FBN1: variants seen among roughly 807,000 people sequenced by gnomAD.
FBN1 encodes fibrillin-1.
Under a neutral mutation model 365.1 loss-of-function variants are expected in FBN1, and 29 were observed. That is an observed-to-expected ratio of 0.08 (90% CI 0.06 to 0.11). FBN1 has a LOEUF of 0.11. Among genes scored for constraint, FBN1 ranks in the 10% least tolerant of loss-of-function variants. The pLI is 1.00. For missense variants in FBN1, 2,476 were observed against 3,703.2 expected, an observed-to-expected ratio of 0.67 and a Z score of 8.60; for synonymous variants, 1,210 against 1,270.5, an observed-to-expected ratio of 0.95 and a Z score of 1.01.
At chr15:48,569,512 G>C (rs1253714645) in intron 6 of FBN1, among the ~76,000 whole-genome samples, 1 of 152,088 alleles carries the variant, frequency 6.6e-6, no homozygotes, top group East Asian at 1.9e-4. Context: ...ACAAAGACTT[G>C]TATGTGAATG....
rs534425201 is a variant in FBN1, at chr15:48,458,090, C to T, written c.5297-1328G>A. ...GCTGGGAGGTATGCAAAGCCTTGGT[C>T]TACAATCCAAAGTCTTCCAATTCAC... On this transcript the variant is annotated intron_variant, in intron 43 of 65. Coordinates refer to ENST00000316623, the MANE Select transcript of FBN1 (RefSeq NM_000138.5). Among the ~76,000 whole-genome samples the T allele has an allele frequency of 2.0e-5, 3 of 152,302 alleles. No individual in the cohort carries two copies. In the South Asian group the frequency reaches 6.2e-4, roughly 32 times the overall value.
chr15:48,530,643 A>T (rs757707618), intron 8 of FBN1, among the ~76,000 whole-genome samples: 24 of 151,966 alleles, frequency 1.6e-4, no homozygotes, highest in Non-Finnish European at 3.5e-4. Context: ...CAGCTGAAAG[A>T]GGATGGAGCC....
intron 6 of FBN1, among the ~76,000 whole-genome samples, chr15:48,593,252 C>A (rs2044491976): frequency 6.6e-6 from 1 of 152,164 alleles, no homozygotes; most frequent in African/African-American, 2.4e-5. Context: ...CATAGTGGGT[C>A]TCTGAGGTAG....
chr15:48,437,403 T>G lies in FBN1; in HGVS notation c.6314-16A>C. On this transcript the variant is annotated splice_polypyrimidine_tract_variant and intron_variant, in intron 51 of 65. Transcript: ENST00000316623. ...CGGAAGGCCTCTGTGGTGGAGACAC[T>G]CATTAATAGATAGAACAATAGCAAT... is the stretch of plus-strand genomic sequence containing the variant. 1 of 1,598,778 alleles carries G rather than the reference T, an allele frequency of 6.3e-7. No homozygotes were observed. The highest frequency in any genetic ancestry group is 1.1e-5 in the South Asian group (1 of 90,702).
intron 45 of FBN1, among the ~76,000 whole-genome samples, chr15:48,450,428 G>C (rs2043192319): frequency 6.6e-6 from 1 of 152,116 alleles, no homozygotes; most frequent in African/African-American, 2.4e-5. Context: ...AGTTCTACTG[G>C]TAAAACTAGA....
At position 48,495,160 on chromosome 15, in the gene FBN1, A is replaced by C. The variant is rs1597568836; in HGVS notation, c.2640T>G (p.Gly880=). Residue 880 remains glycine, a synonymous_variant, in exon 22 of 66, where the codon GGT becomes GGG. Transcript: ENST00000316623. ...TLKSQCCSSL[G]AAWGSPCTLC... is the part of the protein sequence containing the mutation. ...GGGTGCACGGGCTTCCCCACGCAGC[A>C]CCGAGGGAGGAGCAGCACTGGGACT... The C allele has an allele frequency of 1.2e-6, 2 of 1,614,088 alleles. No individual in the cohort carries two copies. Among genetic ancestry groups the C allele is most frequent in the African/African-American group, 2.7e-5 (2 of 74,952 alleles).
chr15:48,552,276 C>CTTT (rs71432262), intron 6 of FBN1, among the ~76,000 whole-genome samples: 1 of 139,978 alleles, frequency 7.1e-6, no homozygotes, highest in Non-Finnish European at 1.6e-5. Flanking sequence ...CTTTTTTTTT[C>CTTT]TTTTTTTTTT....
rs867460746 is a variant in FBN1, at chr15:48,474,549, C to T, written c.4066G>A (p.Gly1356Arg). 6.8e-6 allele frequency: 11 copies of T among 1,614,170 alleles called. No homozygotes were observed. Among genetic ancestry groups the T allele is most frequent in the Non-Finnish European group, 9.3e-6 (11 of 1,180,006 alleles). The change falls in exon 33 of 66, where the codon GGA becomes AGA. Residue 1356 changes from glycine to arginine, a missense_variant. Gly to Arg is a moderately radical substitution (Grantham distance 125). Transcript: ENST00000316623. ...FKCSCSPGWI[G>R]DGIKCTDLDE... ...TCACCAGTGCACTTAATGCCATCTCCAATCCACCCGGGACTGCAGCTACAT... is the reference window on the plus strand; with the variant it reads ...TCACCAGTGCACTTAATGCCATCTCTAATCCACCCGGGACTGCAGCTACAT...
At chr15:48,633,909 AAGCACCTTG>A (rs1458425730) in intron 2 of FBN1, among the ~76,000 whole-genome samples, 1 of 152,152 alleles carries the variant, frequency 6.6e-6, no homozygotes, top group Non-Finnish European at 1.5e-5. Flanking sequence ...AGAGGAAAAT[AAGCACCTTG>A]AGCACTTGTT....
At chr15:48,618,182 T>C (rs1247576230) in intron 2 of FBN1, among the ~76,000 whole-genome samples, 1 of 152,156 alleles carries the variant, frequency 6.6e-6, no homozygotes, top group Non-Finnish European at 1.5e-5. Context: ...TCCCATGTAA[T>C]GTGTCCCATG....
In FBN1 at chr15:48,410,006, G is replaced by C. The variant is rs903168255; in HGVS notation, c.*984C>G. On this transcript the variant is annotated 3_prime_UTR_variant, in exon 66 of 66. Transcript: ENST00000316623. The stretch of plus-strand genomic sequence containing the variant: ...GACCCAGGATAATTTAAATCCAGGA[G>C]ACTTTATTTAGCCTCCGGAATGGCC... The C allele has an allele frequency of 6.6e-6, 1 of 152,566 alleles. No homozygotes were observed. Among genetic ancestry groups the C allele is most frequent in the Admixed American group, 6.6e-5 (1 of 15,264 alleles). The allele number at this position is 152,566 out of a possible 1,614,324, so 9.5% of individuals were successfully genotyped here.
Position 48,519,455 on chromosome 15 carries a change from G to A in FBN1, c.1147+1204C>T, listed in dbSNP as rs543538430. Among the ~76,000 whole-genome samples the A allele has an allele frequency of 2.0e-5, 3 of 152,258 alleles. No homozygotes were observed. The South Asian group carries it at 6.2e-4, about 32-fold the overall frequency. ...AATAATGAATGAGATTTCCTAATGA[G>A]ATTGATCAACCAGTAAAAGAGCAAG... On this transcript the variant is annotated intron_variant, in intron 10 of 65. Transcript: ENST00000316623.
At chr15:48,528,704 T>C (rs4374113) in intron 8 of FBN1, among the ~76,000 whole-genome samples, 26,389 of 152,042 alleles carry the variant, frequency 0.17, 2,439 homozygotes, top group East Asian at 0.36. Context: ...TGAGTTCACA[T>C]AGATTAAGAT....
At chr15:48,465,046 T>C (rs1438192753) in intron 40 of FBN1, among the ~76,000 whole-genome samples, 1 of 152,202 alleles carries the variant, frequency 6.6e-6, no homozygotes, top group African/African-American at 2.4e-5. Context: ...ATGGCTGAAG[T>C]GCTCTGAAAC....
intron 6 of FBN1, among the ~76,000 whole-genome samples, chr15:48,575,981 T>G (rs1198377504): frequency 6.6e-6 from 1 of 152,196 alleles, no homozygotes; most frequent in Non-Finnish European, 1.5e-5. Flanking sequence ...CATATCAAGC[T>G]GGGAAGGGGC....
intron 6 of FBN1, among the ~76,000 whole-genome samples, chr15:48,588,864 T>C (rs1435123823): frequency 6.6e-6 from 1 of 152,182 alleles, no homozygotes; most frequent in Non-Finnish European, 1.5e-5. Context: ...GGGAGACTCC[T>C]CAGATTGCAT....
chr15:48,542,782 TGTG>T (rs2044067361), intron 6 of FBN1, among the ~76,000 whole-genome samples: 1 of 1,548 alleles, frequency 6.5e-4, no homozygotes, highest in African/African-American at 1.5e-3. Context: ...GACTCTAAGA[TGTG>T]TGTGTGTGTG....
In FBN1 at chr15:48,472,634, C is replaced by T. The variant is rs2141278025; in HGVS notation, c.4253G>A (p.Gly1418Asp). 6.2e-7 allele frequency: 1 copy of T among 1,614,190 alleles called. No homozygotes were observed. The highest frequency in any genetic ancestry group is 8.5e-7 in the Non-Finnish European group (1 of 1,180,026). ...CSENLNLCGNGQCLNAPGGYR... is the reference protein window; with the variant it reads ...CSENLNLCGNDQCLNAPGGYR... ...TCCTCCTGGTGCATTGAGGCACTGG[C>T]CATTGCCACAGAGATTCAGGTTCTC... Residue 1418 changes from glycine (G) to aspartate (D), a missense_variant, in exon 35 of 66, where the codon GGC becomes GAC. This residue lies in a region of FBN1 where 1,780 missense variants were observed against 2,840.8 expected (regional missense o/e 0.63). Coordinates refer to ENST00000316623, the MANE Select transcript of FBN1 (RefSeq NM_000138.5).
intron 6 of FBN1, among the ~76,000 whole-genome samples, chr15:48,559,511 G>A (rs957149404): frequency 5.3e-5 from 8 of 152,118 alleles, no homozygotes; most frequent in Non-Finnish European, 1.0e-4. Flanking sequence ...AGGAGCCAGG[G>A]TCCGGAGCAA....
Sources: allele counts gnomAD v4.1 joint callset (sites outside exome capture counted in the v4.1 genomes callset), GRCh38; gene constraint gnomAD v4.1.1; regional missense constraint gnomAD v4.1.1; transcripts MANE v1.5; gene names NCBI Gene and HGNC (gene_info 2026-07-23, HGNC 2026-07-21).